Variants in SMIM23 observed in about 807,000 individuals in gnomAD.
The protein encoded by SMIM23 is small integral membrane protein 23, also known as CTB-78H18.1.
A neutral mutation model predicts 12.8 loss-of-function variants in SMIM23; 10 were observed. That is an observed-to-expected ratio of 0.78 (90% CI 0.48 to 1.32). SMIM23 has a LOEUF of 1.32. Among genes scored for constraint, SMIM23 ranks in the 40% most tolerant of loss-of-function variants. The pLI, the probability that SMIM23 is intolerant of heterozygous loss-of-function variation, is 0.00. For synonymous variants in SMIM23, 78 were observed against 80.1 expected (o/e 0.97, Z 0.14); for missense variants, 184 against 198.2 (o/e 0.93, Z 0.43).
chr5:171,784,422 G>A (rs1252495552), upstream of SMIM23, among the ~76,000 whole-genome samples: 2 of 151,960 alleles, frequency 1.3e-5, no homozygotes, highest in Non-Finnish European at 2.9e-5. Flanking sequence ...GGAGGATGGC[G>A]TGAACCCGGG....
intron 1 of SMIM23, 60 bp from the exon 2 acceptor site, chr5:171,790,170 G>T: frequency 6.0e-6 from 9 of 1,491,526 alleles, no homozygotes; most frequent in Non-Finnish European, 8.1e-6. Context: ...ATGGAAGCAG[G>T]GGGACCTGGA....
chr5:171,774,601 GCCCCA>G, the SMIM23 span: 2 of 440,764 alleles, frequency 4.5e-6, no homozygotes, highest in African/African-American at 2.1e-5. Context: ...ACCCTGCCCT[GCCCCA>G]CCCCACCCCA....
chr5:171,783,990 G>A (rs1422393127), upstream of SMIM23, among the ~76,000 whole-genome samples: 1 of 152,038 alleles, frequency 6.6e-6, no homozygotes, highest in African/African-American at 2.4e-5. Context: ...ACCGGTAATC[G>A]CAGCACTTTG....
In SMIM23 at chr5:171,790,882, G is replaced by A. The variant is rs374766867; in HGVS notation, c.313G>A (p.Glu105Lys). 1.3e-5 allele frequency: 20 copies of A among 1,536,062 alleles called. No individual in the cohort carries two copies. In the East Asian group the frequency reaches 1.7e-4, roughly 13 times the overall value. Residue 105 changes from glutamate to lysine, a missense_variant, in exon 4 of 4, where the codon GAG (glutamate) becomes AAG (lysine). Coordinates refer to ENST00000523047, the MANE Select transcript of SMIM23 (RefSeq NM_001289970.2). The stretch of plus-strand genomic sequence containing the variant: ...GAAGGAGAAGTTGCATGTCTTCTCG[G>A]AGAAGTTAGAGGAAGAGGTGCAGCA... ...WLKEKLHVFS[E>K]KLEEEVQQLE...
chr5:171,774,490 G>A, the SMIM23 span: 5 of 456,240 alleles, frequency 1.1e-5, no homozygotes, highest in Non-Finnish European at 2.2e-5. Flanking sequence ...CTTGCACCTC[G>A]GATGGCCGAG....
chr5:171,789,368 CTTA>C (rs1324268829), intron 1 of SMIM23, among the ~76,000 whole-genome samples: 2 of 152,194 alleles, frequency 1.3e-5, no homozygotes, highest in South Asian at 2.1e-4. Context: ...TTGGTGGTTT[CTTA>C]TAAAATTAAA....
the SMIM23 span, chr5:171,773,563 C>T: frequency 0.045 from 15,052 of 337,710 alleles, 1,009 homozygotes; most frequent in African/African-American, 0.16. Flanking sequence ...GGTGCCCTCA[C>T]GGGGCAGACT....
the SMIM23 span, among the ~76,000 whole-genome samples, chr5:171,775,975 G>A: frequency 7.9e-5 from 12 of 152,148 alleles, no homozygotes; most frequent in Admixed American, 6.5e-4. Flanking sequence ...GGGTTCAAGC[G>A]ATTCTCCTGC....
chr5:171,786,079 C>A (rs1015262357), intron 1 of SMIM23, 103 bp downstream of exon 1: 3 of 953,102 alleles, frequency 3.1e-6, no homozygotes, highest in Admixed American at 2.1e-5. Flanking sequence ...ATCTTGGACC[C>A]AACCGTCCCT....
the SMIM23 span, chr5:171,773,669 G>A: frequency 2.5e-6 from 1 of 404,774 alleles, no homozygotes; most frequent in Non-Finnish European, 4.8e-6. Flanking sequence ...CTCAAGACCA[G>A]GCAGGCATAG....
chr5:171,786,142 G>A (rs1755812824), intron 1 of SMIM23, among the ~76,000 whole-genome samples, 166 bp downstream of exon 1: 1 of 152,192 alleles, frequency 6.6e-6, no homozygotes, highest in African/African-American at 2.4e-5. Flanking sequence ...TCTTGCCGGG[G>A]CCATCACTGA....
chr5:171,784,118 G>A (rs1274651485), upstream of SMIM23, among the ~76,000 whole-genome samples: 1 of 152,042 alleles, frequency 6.6e-6, no homozygotes, highest in African/African-American at 2.4e-5. Context: ...TTAAAAAAAA[G>A]AAAAGATGTT....
the SMIM23 span, among the ~76,000 whole-genome samples, chr5:171,776,915 C>T: frequency 1.3e-5 from 2 of 152,110 alleles, no homozygotes; most frequent in East Asian, 3.9e-4. Flanking sequence ...CGGAAGGGCC[C>T]AGGTGCCTGA....
intron 1 of SMIM23, among the ~76,000 whole-genome samples, chr5:171,787,931 T>C (rs1755848031): frequency 1.3e-5 from 2 of 151,582 alleles, no homozygotes. Context: ...TGTTGCTATG[T>C]AACATTTTTT....
intron 1 of SMIM23, 86 bp downstream of exon 1, chr5:171,786,062 G>A (rs1263671064): frequency 8.0e-6 from 9 of 1,119,494 alleles, no homozygotes; most frequent in African/African-American, 6.1e-5. Flanking sequence ...CTCAAAGCCC[G>A]GAATGAATCT....
upstream of SMIM23, among the ~76,000 whole-genome samples, chr5:171,778,356 C>CA (rs532519209): frequency 0.1 from 11,698 of 116,554 alleles, 632 homozygotes; most frequent in Non-Finnish European, 0.12. Context: ...GACTCCATCT[C>CA]AAAAAAAAAA....
chr5:171,774,678 G>A, the SMIM23 span: 1 of 442,868 alleles, frequency 2.3e-6, no homozygotes, highest in Non-Finnish European at 4.5e-6. Context: ...CAAATCCCAG[G>A]AAGTGTCTTG....
chr5:171,774,673 C>T, the SMIM23 span: 2 of 430,700 alleles, frequency 4.6e-6, no homozygotes, highest in Admixed American at 2.6e-5. Context: ...GCCCACAAAT[C>T]CCAGGAAGTG....
intron 1 of SMIM23, among the ~76,000 whole-genome samples, chr5:171,789,060 G>A (rs989728327): frequency 3.9e-5 from 6 of 152,222 alleles, no homozygotes; most frequent in Non-Finnish European, 7.3e-5. Flanking sequence ...GGCTGGTTTC[G>A]AACTCTTGAC....
Sources: gnomAD v4.1 joint callset for allele counts (sites outside exome capture counted in the v4.1 genomes callset) on GRCh38, gnomAD v4.1.1 for gene constraint, MANE v1.5 for transcripts, NCBI Gene and HGNC (gene_info 2026-07-23, HGNC 2026-07-21) for gene names.